ABCA3: variants seen among roughly 807,000 people sequenced by gnomAD.
ABCA3 encodes the protein phospholipid-transporting ATPase ABCA3.
Under a neutral mutation model 172.8 loss-of-function variants are expected in ABCA3, and 88 were observed. The ratio of observed to expected loss-of-function variants is 0.51; its 90% CI spans 0.43 to 0.61. The LOEUF is 0.61. Ranked by LOEUF, ABCA3 falls within the 20% of genes least tolerant of loss-of-function variation. ABCA3 has a pLI of 0.00. For missense variants in ABCA3, 2,164 were observed against 2,301.0 expected (o/e 0.94, Z 1.22); for synonymous variants, 1,066 against 983.8 (o/e 1.08, Z -1.56).
chr16:2,280,399 A>G (rs1440132485), intron 28 of ABCA3, among the ~76,000 whole-genome samples: 3 of 152,052 alleles, frequency 2.0e-5, no homozygotes, highest in Non-Finnish European at 4.4e-5. Context: ...AAGCCCTGGA[A>G]CCCTCTATGG....
intron 4 of ABCA3, 59 bp from the exon 5 acceptor site, chr16:2,326,333 G>A: frequency 4.3e-6 from 7 of 1,611,488 alleles, no homozygotes; most frequent in Non-Finnish European, 5.9e-6. Context: ...GGGGCATGCA[G>A]ACAGCCCTTC....
intron 1 of ABCA3, among the ~76,000 whole-genome samples, chr16:2,340,183 C>T (rs1444307457): frequency 1.3e-5 from 2 of 152,194 alleles, no homozygotes; most frequent in Non-Finnish European, 2.9e-5. Flanking sequence ...CTGCATCCCT[C>T]GGGGCCGGGG....
chr16:2,300,266 G>T, intron 12 of ABCA3, 118 bp from the exon 13 acceptor site: 2 of 1,434,784 alleles, frequency 1.4e-6, no homozygotes, highest in Non-Finnish European at 1.9e-6. Flanking sequence ...TCGAGGCACT[G>T]CTGTGGAGAA....
intron 12 of ABCA3, among the ~76,000 whole-genome samples, chr16:2,301,689 A>G (rs910855521): frequency 1.3e-5 from 2 of 151,908 alleles, no homozygotes; most frequent in African/African-American, 2.4e-5. Context: ...CAGCCTGGGC[A>G]ACAGAGCTAG....
chr16:2,280,649 G>A (rs149081530), intron 28 of ABCA3, among the ~76,000 whole-genome samples: 1 of 152,276 alleles, frequency 6.6e-6, no homozygotes, highest in East Asian at 1.9e-4. Flanking sequence ...GGGAGCTGGT[G>A]GGGCTCAGCT....
Position 2,324,461 on chromosome 16 carries a change from C to T in ABCA3, c.390G>A (p.Leu130=). 1.2e-6 allele frequency: 2 copies of T among 1,609,890 alleles called. 1 individual carries two copies. Among genetic ancestry groups the T allele is most frequent in the South Asian group, 2.2e-5 (2 of 90,900 alleles). Residue 130 remains leucine (L), a synonymous_variant, in exon 6 of 33, where the codon CTG becomes CTA. Transcript: ENST00000301732. ...IRYDNCSSSV[L]AAVVFEHPFN... is the part of the protein sequence containing the mutation. ...AGGGGTGCTCGAAGACCACGGCGGC[C>T]AGCACGCTGGACGAGCAGTTGTCGT...
chr16:2,304,825 G>T (rs879637449), intron 11 of ABCA3, among the ~76,000 whole-genome samples: 1 of 151,916 alleles, frequency 6.6e-6, no homozygotes, highest in South Asian at 2.1e-4. Context: ...ACAGGCGCCC[G>T]CCACCGTGCC....
In ABCA3 at chr16:2,297,855, C is replaced by G; in HGVS notation, c.1963G>C (p.Glu655Gln). The stretch of plus-strand genomic sequence containing the variant: ...CGGCTCCGTGAGTTCCACTTGTCCT[C>G]CAGGCCGATGATGTGCAGCATCTGC... ...VKQMLHIIGL[E>Q]DKWNSRSRFL... The change falls in exon 16 of 33, where the codon GAG becomes CAG. Residue 655 changes from glutamate (E) to glutamine (Q), a missense_variant. Physicochemically the swap from Glu to Gln is conservative, Grantham distance 29 (BLOSUM62 2). This residue lies in a region of ABCA3 where 1,343 missense variants were observed against 1,369.6 expected (regional missense o/e 0.98). Transcript: ENST00000301732. This position sits in a 1 kb window ranked among gnomAD's most constrained non-coding sequence, Gnocchi z 5.6. 6.2e-7 allele frequency: 1 copy of G among 1,613,860 alleles called. No individual in the cohort carries two copies. The highest frequency in any genetic ancestry group is 8.5e-7 in the Non-Finnish European group (1 of 1,180,044).
intron 20 of ABCA3, chr16:2,289,154 G>T: frequency 2.0e-6 from 1 of 500,544 alleles, no homozygotes; most frequent in Non-Finnish European, 3.6e-6. Context: ...GTCGTTGGCT[G>T]CTAGAGAGCC....
chr16:2,319,946 G>C (rs372661852), intron 7 of ABCA3, 106 bp from the exon 8 acceptor site: 29 of 1,504,418 alleles, frequency 1.9e-5, no homozygotes, highest in East Asian at 2.3e-5. Flanking sequence ...TGGGGCAACA[G>C]AGTGACTTCA....
chr16:2,323,194 T>C, intron 7 of ABCA3: 1 of 425,264 alleles, frequency 2.4e-6, no homozygotes, highest in Non-Finnish European at 4.4e-6. Context: ...GGAACACTTT[T>C]ACACTGTTGG....
rs766775847 is a variant in ABCA3 at position 2,295,654 on chromosome 16, C to A, written c.2350G>T (p.Ala784Ser). 6.2e-7 allele frequency: 1 copy of A among 1,614,044 alleles called. No homozygotes were observed. Among genetic ancestry groups the A allele is most frequent in the Admixed American group, 1.7e-5 (1 of 60,036 alleles). ...SQLVHHHVPN[A>S]TLESSAGAEL... ...GCCCCAGCGCTGCTCTCCAGCGTGGCGTTGGGCACGTGGTGGTGGACCAGC... is the reference window on the plus strand; with the variant it reads ...GCCCCAGCGCTGCTCTCCAGCGTGGAGTTGGGCACGTGGTGGTGGACCAGC... Residue 784 changes from alanine to serine, a missense_variant, in exon 18 of 33, where the codon GCC becomes TCC. By Grantham distance (99) the Ala-to-Ser change is moderately conservative. Transcript: ENST00000301732.
chr16:2,318,275 C>A (rs926729342), intron 8 of ABCA3, among the ~76,000 whole-genome samples: 1 of 152,108 alleles, frequency 6.6e-6, no homozygotes, highest in Non-Finnish European at 1.5e-5. Flanking sequence ...CAGTGAAGGA[C>A]GAGGCGCAGT....
Position 2,279,114 on chromosome 16 carries a change from C to A in ABCA3, c.4376G>T (p.Gly1459Val). The A allele has an allele frequency of 6.2e-7, 1 of 1,611,762 alleles. No homozygotes were observed. The highest frequency in any genetic ancestry group is 8.5e-7 in the Non-Finnish European group (1 of 1,180,010). ...CAAGGCATCAAACTGCGGGCAGTAGCCGATCCGCTGCCGCACCTGGGGTCG... is the reference window on the plus strand; with the variant it reads ...CAAGGCATCAAACTGCGGGCAGTAGACGATCCGCTGCCGCACCTGGGGTCG... ...SDVGKVRQRIGYCPQFDALLD... is the reference protein window; with the variant it reads ...SDVGKVRQRIVYCPQFDALLD... The change falls in exon 29 of 33, where the codon GGC (glycine) becomes GTC (valine). Residue 1459 changes from glycine (G) to valine (V), a missense_variant. Gly to Val is a moderately radical substitution (Grantham distance 109). This residue lies in a region of ABCA3 where 795 missense variants were observed against 881.9 expected (regional missense o/e 0.90). Coordinates refer to ENST00000301732, the MANE Select transcript of ABCA3 (RefSeq NM_001089.3). The surrounding 1 kb of genome is among the most constrained non-coding windows in gnomAD (Gnocchi z 4.4).
Position 2,311,468 on chromosome 16 carries a change from C to T in ABCA3, c.1112-2845G>A, listed in dbSNP as rs558642792. ...AGGTTAGTTGCCATGAAGTAACCAA[C>T]GAACTTTTTGCGCTCTGTTACATTA... On this transcript the variant is annotated intron_variant, in intron 10 of 32. Coordinates refer to ENST00000301732, the MANE Select transcript of ABCA3 (RefSeq NM_001089.3). Among the ~76,000 whole-genome samples, 9 of 152,216 alleles carry T rather than the reference C, an allele frequency of 5.9e-5. No homozygotes were observed. The South Asian group carries it at 1.0e-3, about 18-fold the overall frequency.
At position 2,294,457 on chromosome 16, in the gene ABCA3, G is replaced by A. The variant is rs577195184; in HGVS notation, c.2414+1133C>T. Among the ~76,000 whole-genome samples the A allele has an allele frequency of 1.1e-4, 16 of 151,994 alleles. No individual in the cohort carries two copies. In the South Asian group the frequency reaches 3.1e-3, roughly 30 times the overall value. On this transcript the variant is annotated intron_variant, in intron 18 of 32. Coordinates refer to ENST00000301732, the MANE Select transcript of ABCA3 (RefSeq NM_001089.3). The stretch of plus-strand genomic sequence containing the variant: ...TCCCAGAACTTTGGGAGGCTGAGGC[G>A]GAAGGATCACTTAAGCCCAGGAGTT...
intron 19 of ABCA3, 80 bp downstream of exon 19, chr16:2,292,060 T>G: frequency 8.8e-7 from 1 of 1,139,842 alleles, no homozygotes; most frequent in Non-Finnish European, 1.3e-6. Flanking sequence ...GCAACTAGAG[T>G]GAAACTCCAT....
Position 2,278,587 on chromosome 16 carries a change from G to T in ABCA3, c.4548-129C>A. On this transcript the variant is annotated intron_variant, in intron 29 of 32. Transcript: ENST00000301732. This position sits in a 1 kb window ranked among gnomAD's most constrained non-coding sequence, Gnocchi z 4.4. ...ATTGCAGAACAGCCCTAGTGAAGAG[G>T]AAGGAGCTGTGTGTGCACCTGGAAA... The T allele has an allele frequency of 7.9e-7, 1 of 1,273,058 alleles. No individual in the cohort carries two copies. The highest frequency in any genetic ancestry group is 1.1e-6 in the Non-Finnish European group (1 of 911,626). 78.9% of individuals were successfully genotyped at this position (1,273,058 alleles called of 1,614,324 possible). A position where few individuals can be genotyped will look rare whatever the true frequency, so the allele number is the denominator to read the frequency against.
chr16:2,319,914 G>C (rs1233661449), intron 7 of ABCA3, 74 bp from the exon 8 acceptor site: 1 of 1,590,560 alleles, frequency 6.3e-7, no homozygotes, highest in Admixed American at 1.7e-5. Flanking sequence ...ACGTGCATGG[G>C]GTCCATGGGG....
Sources: gnomAD v4.1 joint callset for allele counts (sites outside exome capture counted in the v4.1 genomes callset) on GRCh38, gnomAD v4.1.1 for gene constraint, gnomAD v4.1.1 regional missense constraint, Gnocchi (gnomAD v3.1) non-coding constraint, MANE v1.5 for transcripts, NCBI Gene and HGNC (gene_info 2026-07-23, HGNC 2026-07-21) for gene names.